The following MYBL1 variants were observed in gnomAD, a reference collection of about 807,000 sequenced individuals.
MYBL1 encodes myb-related protein A.
Under a neutral mutation model 96.3 loss-of-function variants are expected in MYBL1, and 17 were observed. The ratio of observed to expected loss-of-function variants is 0.18; its 90% confidence interval spans 0.12 to 0.26. The LOEUF is 0.26. Ranked by LOEUF, MYBL1 falls within the 10% of genes least tolerant of loss-of-function variation. The pLI, the probability that MYBL1 is intolerant of heterozygous loss-of-function variation, is 1.00. For synonymous variants in MYBL1, 282 were observed against 292.7 expected (o/e 0.96, Z 0.37); for missense variants, 701 against 882.9 (o/e 0.79, Z 2.61).
intron 1 of MYBL1, among the ~76,000 whole-genome samples, chr8:66,602,929 T>G (rs1417896766): frequency 6.6e-6 from 1 of 150,842 alleles, no homozygotes; most frequent in Non-Finnish European, 1.5e-5. Context: ...GTATTTTTAG[T>G]AGAGGCAGGG....
chr8:66,602,787 C>T (rs1810154449), intron 1 of MYBL1, among the ~76,000 whole-genome samples: 1 of 127,724 alleles, frequency 7.8e-6, no homozygotes. Flanking sequence ...GCTCTGTCGC[C>T]CAGGCTGGAG....
chr8:66,578,646 G>A (rs1408537848), intron 9 of MYBL1, among the ~76,000 whole-genome samples: 2 of 152,320 alleles, frequency 1.3e-5, no homozygotes, highest in Non-Finnish European at 2.9e-5. Flanking sequence ...CTGTAAACTA[G>A]TTCAACTATT....
chr8:66,567,108 C>T, intron 12 of MYBL1, 116 bp from the exon 13 acceptor site: 2 of 621,126 alleles, frequency 3.2e-6, no homozygotes, highest in Non-Finnish European at 5.5e-6. Flanking sequence ...TTCTCCTAGC[C>T]CCTATAGATA....
chr8:66,579,245 T>C (rs1563534025), intron 9 of MYBL1, among the ~76,000 whole-genome samples: 1 of 151,210 alleles, frequency 6.6e-6, no homozygotes, highest in Non-Finnish European at 1.5e-5. Flanking sequence ...ATAAAAAAAT[T>C]AAAAAAAAAT....
chr8:66,568,701 A>G (rs1348126631), intron 12 of MYBL1, among the ~76,000 whole-genome samples: 1 of 152,172 alleles, frequency 6.6e-6, no homozygotes, highest in Non-Finnish European at 1.5e-5. Context: ...TGTTTGTTAC[A>G]TAAGTAAACA....
At position 66,566,681 on chromosome 8, in the gene MYBL1, A is replaced by G; in HGVS notation, c.1950+3T>C. ...ATAACAACAATAATAATCCTTTACAAACCTGCATGTCTGAAATGTCTTCAG... is the reference window on the plus strand; with the variant it reads ...ATAACAACAATAATAATCCTTTACAGACCTGCATGTCTGAAATGTCTTCAG... On this transcript the variant is annotated splice_donor_region_variant and intron_variant, in intron 14 of 15. Transcript: ENST00000522677. 1 of 1,571,760 alleles carries G rather than the reference A, an allele frequency of 6.4e-7. No individual in the cohort carries two copies. Among genetic ancestry groups the G allele is most frequent in the Non-Finnish European group, 8.7e-7 (1 of 1,146,242 alleles).
chr8:66,603,876 T>C (rs1810202819), intron 1 of MYBL1, among the ~76,000 whole-genome samples: 1 of 151,954 alleles, frequency 6.6e-6, no homozygotes, highest in Non-Finnish European at 1.5e-5. Context: ...GAGATGTCCA[T>C]TCTCCCTAAT....
rs1277352360 is a variant in MYBL1 at position 66,596,139 on chromosome 8, C to T, written c.513-382G>A. ...AAAGTAGGATAAGAAAAGTGGGTAA[C>T]GGAGTAATTTTGGTTTGGTTAGAAC... On this transcript the variant is annotated intron_variant, in intron 5 of 15. Transcript: ENST00000522677. 4.0e-5 allele frequency among the ~76,000 whole-genome samples: 6 copies of T among 151,830 alleles called. No individual in the cohort carries two copies. In the East Asian group the frequency reaches 5.8e-4, roughly 15 times the overall value.
chr8:66,606,063 C>T (rs1007106100), intron 1 of MYBL1, among the ~76,000 whole-genome samples: 1 of 151,996 alleles, frequency 6.6e-6, no homozygotes, highest in Non-Finnish European at 1.5e-5. Context: ...CGCTATACTA[C>T]GACATACTGG....
rs1033656828 is a variant in MYBL1 at position 66,566,221 on chromosome 8, G to A, written c.1973C>T (p.Ser658Phe). 1.5e-5 allele frequency: 23 copies of A among 1,486,824 alleles called. No homozygotes were observed. The highest frequency in any genetic ancestry group is 2.0e-5 in the Non-Finnish European group (22 of 1,101,102). 92.1% of individuals were successfully genotyped at this position (1,486,824 alleles called of 1,614,324 possible). ...TTCCAATAATGGTATCATTAATAAG[G>A]ATGTAGTAAATCTATTTTCTGACTA... ...DMQSENRFTT[S>F]LLMIPLLEIH... is the part of the protein sequence containing the mutation. The change falls in exon 15 of 16, where the codon TCC becomes TTC. Residue 658 changes from serine (S) to phenylalanine (F), a missense_variant. By Grantham distance (155) the Ser-to-Phe change is radical (BLOSUM62 -2). Around this residue, in one of 5 missense-constraint regions of MYBL1, gnomAD observed 137 missense variants for 137.5 expected, o/e 1.00. Transcript: ENST00000522677.
intron 8 of MYBL1, among the ~76,000 whole-genome samples, chr8:66,581,661 G>C (rs1008346543): frequency 6.6e-6 from 1 of 152,130 alleles, no homozygotes; most frequent in African/African-American, 2.4e-5. Context: ...GGCTGACAGA[G>C]TGAGACCCTT....
intron 1 of MYBL1, among the ~76,000 whole-genome samples, chr8:66,603,378 T>A (rs1481601129): frequency 6.6e-6 from 1 of 151,732 alleles, no homozygotes; most frequent in Non-Finnish European, 1.5e-5. Flanking sequence ...AGTGATCCAA[T>A]TAACAATACC....
At chr8:66,595,870 C>T (rs1473062728) in intron 5 of MYBL1, 113 bp from the exon 6 acceptor site, 3 of 609,310 alleles carry the variant, frequency 4.9e-6, no homozygotes, top group Non-Finnish European at 7.8e-6. Flanking sequence ...AAATTAGATA[C>T]TTTTTTCTTA....
At chr8:66,599,559 C>T (rs989033024) in intron 3 of MYBL1, among the ~76,000 whole-genome samples, 3 of 152,132 alleles carry the variant, frequency 2.0e-5, no homozygotes, top group South Asian at 2.1e-4. Context: ...CCAACACTTT[C>T]GGAGGCCGAG....
chr8:66,580,621 T>C (rs956718617), intron 8 of MYBL1, among the ~76,000 whole-genome samples: 1 of 152,212 alleles, frequency 6.6e-6, no homozygotes, highest in Non-Finnish European at 1.5e-5. Flanking sequence ...TCTTAGAATC[T>C]GGCTACTCCC....
chr8:66,603,502 T>G (rs1810189616), intron 1 of MYBL1, among the ~76,000 whole-genome samples: 1 of 151,746 alleles, frequency 6.6e-6, no homozygotes, highest in Non-Finnish European at 1.5e-5. Context: ...TTTTTTTTTT[T>G]CCAGACAGGG....
intron 9 of MYBL1, among the ~76,000 whole-genome samples, chr8:66,578,305 G>A (rs1163742033): frequency 1.5e-4 from 23 of 150,130 alleles, no homozygotes; most frequent in Non-Finnish European, 2.7e-4. Context: ...CCTACAAAAT[G>A]GGAGAAAATT....
rs780804489 is a variant in MYBL1 at position 66,576,355 on chromosome 8, G to A, written c.1122C>T (p.Asp374=). ...LIESDPVAWS[D]VTSFDISDAA... is the part of the protein sequence containing the mutation. ...CATCAGAAATATCAAAACTGGTAAC[G>A]TCACTCCATGCTACAGGATCCTGCA... is the stretch of plus-strand genomic sequence containing the variant. The change falls in exon 10 of 16, where the codon GAC becomes GAT. Residue 374 remains aspartate, a synonymous_variant. Transcript: ENST00000522677. 12 of 1,612,730 alleles carry A rather than the reference G, an allele frequency of 7.4e-6. No individual in the cohort carries two copies. In the Admixed American group the frequency reaches 1.2e-4, roughly 16 times the overall value.
chr8:66,573,029 A>G (rs543814327), intron 11 of MYBL1, among the ~76,000 whole-genome samples: 28 of 152,264 alleles, frequency 1.8e-4, no homozygotes, highest in African/African-American at 6.7e-4. Flanking sequence ...AGCCTGGCCA[A>G]CATAGTGAAA....
Sources: gnomAD v4.1 joint callset for allele counts (sites outside exome capture counted in the v4.1 genomes callset) on GRCh38, gnomAD v4.1.1 for gene constraint, gnomAD v4.1.1 regional missense constraint, MANE v1.5 for transcripts, NCBI Gene and HGNC (gene_info 2026-07-23, HGNC 2026-07-21) for gene names.